NCAM2: variants seen among roughly 807,000 people sequenced by gnomAD.
NCAM2 encodes N-CAM-2.
Under a neutral mutation model 98.1 loss-of-function variants are expected in NCAM2, and 30 were observed. The ratio of observed to expected loss-of-function variants is 0.31; its 90% CI spans 0.23 to 0.41. The LOEUF (loss-of-function observed/expected upper bound fraction) is 0.41, where lower values mean the gene tolerates loss of function less well. Among genes scored for constraint, NCAM2 ranks in the 10% least tolerant of loss-of-function variants. NCAM2 has a pLI of 1.00. For synonymous variants in NCAM2, 368 were observed against 342.4 expected (o/e 1.07, Z -0.83); for missense variants, 867 against 1,005.8 (o/e 0.86, Z 1.87).
In NCAM2 at chr21:21,320,714, T is replaced by A. The variant is rs908654834; in HGVS notation, c.620-3669T>A. On this transcript the variant is annotated intron_variant, in intron 5 of 17. Coordinates refer to ENST00000400546, the MANE Select transcript of NCAM2 (RefSeq NM_004540.5). ...GATGTCTTATTGTATATTGAGAGGCTATATAATATTAAAATACTAGTCATT... is the reference window on the plus strand; with the variant it reads ...GATGTCTTATTGTATATTGAGAGGCAATATAATATTAAAATACTAGTCATT... 3.3e-5 allele frequency among the ~76,000 whole-genome samples: 5 copies of A among 152,190 alleles called. No homozygotes were observed. In the South Asian group the frequency reaches 6.2e-4, roughly 19 times the overall value.
At chr21:21,176,434 C>A (rs765128615) in intron 1 of NCAM2, among the ~76,000 whole-genome samples, 1 of 152,052 alleles carries the variant, frequency 6.6e-6, no homozygotes, top group Non-Finnish European at 1.5e-5. Context: ...CCTTATTAAC[C>A]ATCTATCTTT....
At chr21:21,171,180 A>G (rs1055266184) in intron 1 of NCAM2, among the ~76,000 whole-genome samples, 2 of 152,210 alleles carry the variant, frequency 1.3e-5, no homozygotes, top group African/African-American at 4.8e-5. Context: ...ACTATTAAGC[A>G]GGTTCTAAGC....
chr21:21,373,799 G>A lies in NCAM2; in HGVS notation c.1045-64G>A, dbSNP rs569942701. The A allele has an allele frequency of 7.3e-6, 10 of 1,360,628 alleles. No individual in the cohort carries two copies. In the African/African-American group the frequency reaches 1.2e-4, roughly 16 times the overall value. The allele number at this position is 1,360,628 out of a possible 1,614,324, so 84.3% of individuals were successfully genotyped here. ...CATGGGAAGTAACATAATGTTATAT[G>A]TTTGGTCACCATTTTGCACACACAA... On this transcript the variant is annotated intron_variant, in intron 8 of 17. Coordinates refer to ENST00000400546, the MANE Select transcript of NCAM2 (RefSeq NM_004540.5).
intron 1 of NCAM2, among the ~76,000 whole-genome samples, chr21:21,094,847 A>G (rs1002836397): frequency 6.6e-6 from 1 of 151,758 alleles, no homozygotes; most frequent in Non-Finnish European, 1.5e-5. Context: ...AACATTTCTA[A>G]TTGAAAAAAT....
At chr21:21,218,037 A>G (rs1047817752) in intron 1 of NCAM2, among the ~76,000 whole-genome samples, 1 of 152,222 alleles carries the variant, frequency 6.6e-6, no homozygotes, top group African/African-American at 2.4e-5. Context: ...GCAGACGGCT[A>G]GCTGTTCCAT....
intron 1 of NCAM2, among the ~76,000 whole-genome samples, chr21:21,211,872 A>C (rs1323932552): frequency 6.6e-6 from 1 of 152,170 alleles, no homozygotes; most frequent in African/African-American, 2.4e-5. Context: ...GAACTTGTCA[A>C]GTCCTGTTAA....
At chr21:21,153,032 C>T (rs564761300) in intron 1 of NCAM2, among the ~76,000 whole-genome samples, 1 of 152,036 alleles carries the variant, frequency 6.6e-6, no homozygotes, top group East Asian at 1.9e-4. Context: ...TTTCCCCCTT[C>T]TCTCAGGGAT....
intron 1 of NCAM2, among the ~76,000 whole-genome samples, chr21:21,026,989 T>C (rs1222998239): frequency 6.6e-6 from 1 of 151,696 alleles, no homozygotes; most frequent in Non-Finnish European, 1.5e-5. Context: ...CCTGAGTAGC[T>C]GGGATTGCAG....
chr21:21,202,007 G>A (rs373590454), intron 1 of NCAM2, among the ~76,000 whole-genome samples: 4 of 152,082 alleles, frequency 2.6e-5, no homozygotes, highest in East Asian at 1.9e-4. Context: ...CATCAGTGTC[G>A]CTTAAATGTT....
At chr21:21,070,492 T>C (rs947231255) in intron 1 of NCAM2, among the ~76,000 whole-genome samples, 1 of 151,900 alleles carries the variant, frequency 6.6e-6, no homozygotes, top group Admixed American at 6.6e-5. Flanking sequence ...GGCAGTGGAA[T>C]TGAACAGAGG....
chr21:21,252,454 T>C (rs770025793), intron 1 of NCAM2, among the ~76,000 whole-genome samples: 2 of 151,384 alleles, frequency 1.3e-5, no homozygotes, highest in Non-Finnish European at 2.9e-5. Context: ...ATATATACGA[T>C]ATAATCTAAT....
At chr21:21,080,917 T>A (rs1201156168) in intron 1 of NCAM2, among the ~76,000 whole-genome samples, 2 of 152,092 alleles carry the variant, frequency 1.3e-5, no homozygotes, top group African/African-American at 4.8e-5. Context: ...TGAAAGTTTA[T>A]TAAAACGCTT....
At chr21:21,062,563 T>C (rs929667768) in intron 1 of NCAM2, among the ~76,000 whole-genome samples, 8 of 152,212 alleles carry the variant, frequency 5.3e-5, no homozygotes, top group African/African-American at 1.9e-4. Context: ...GAGCTAACGC[T>C]ACCGATATCT....
rs114788246 is a variant in NCAM2, at chr21:21,064,452, A to G, written c.55+65834A>G. Among the ~76,000 whole-genome samples, 670 of 152,238 alleles carry G rather than the reference A, an allele frequency of 4.4e-3. 1 individual carries two copies. The highest frequency in any genetic ancestry group is 0.016 in the African/African-American group (651 of 41,562). ...ATTAAGAATTGTACTATATCGTATTATTGATGTCTTGCTGAGGTCCCACTA... is the reference window on the plus strand; with the variant it reads ...ATTAAGAATTGTACTATATCGTATTGTTGATGTCTTGCTGAGGTCCCACTA... On this transcript the variant is annotated intron_variant, in intron 1 of 17. Transcript: ENST00000400546.
At position 21,518,005 on chromosome 21, in the gene NCAM2, A is replaced by G. The variant is rs180676310; in HGVS notation, c.2282+8950A>G. 2.0e-3 allele frequency among the ~76,000 whole-genome samples: 305 copies of G among 152,274 alleles called. 1 individual carries two copies. Among genetic ancestry groups the G allele is most frequent in the African/African-American group, 7.1e-3 (295 of 41,560 alleles). On this transcript the variant is annotated intron_variant, in intron 16 of 17. Coordinates refer to ENST00000400546, the MANE Select transcript of NCAM2 (RefSeq NM_004540.5). ...AGAAGTCATTCTGACTTCTGTGAACATTTGTTTCTTTCTTCATAAAATGAG... is the reference window on the plus strand; with the variant it reads ...AGAAGTCATTCTGACTTCTGTGAACGTTTGTTTCTTTCTTCATAAAATGAG...
chr21:21,453,568 C>T (rs190354561), intron 12 of NCAM2, among the ~76,000 whole-genome samples: 1 of 152,074 alleles, frequency 6.6e-6, no homozygotes, highest in East Asian at 1.9e-4. Context: ...TTTTTAAGTA[C>T]TGACATTATT....
intron 5 of NCAM2, among the ~76,000 whole-genome samples, chr21:21,311,900 T>C (rs893069089): frequency 6.6e-6 from 1 of 152,202 alleles, no homozygotes; most frequent in Non-Finnish European, 1.5e-5. Context: ...TAGCAATATT[T>C]TTGAAGGTTC....
chr21:21,472,425 G>C (rs191298754), intron 14 of NCAM2, among the ~76,000 whole-genome samples: 2 of 152,038 alleles, frequency 1.3e-5, no homozygotes, highest in Admixed American at 1.3e-4. Flanking sequence ...GTTTATGTAT[G>C]TACATGGAAA....
intron 9 of NCAM2, among the ~76,000 whole-genome samples, chr21:21,393,422 T>A (rs1397480275): frequency 2.0e-5 from 3 of 152,188 alleles, no homozygotes; most frequent in Admixed American, 6.5e-5. Context: ...ACTAGGGCGA[T>A]CAATGCTAAA....
Sources: allele counts gnomAD v4.1 joint callset (sites outside exome capture counted in the v4.1 genomes callset), GRCh38; gene constraint gnomAD v4.1.1; transcripts MANE v1.5; gene names NCBI Gene and HGNC (gene_info 2026-07-23, HGNC 2026-07-21).